Variants in ANKRA2 observed in about 807,000 individuals in gnomAD.
ANKRA2 encodes ankyrin repeat family A protein 2.
Under a neutral mutation model 37.8 loss-of-function variants are expected in ANKRA2, and 33 were observed. The ratio of observed to expected loss-of-function variants is 0.87; its 90% CI spans 0.66 to 1.17. The LOEUF is 1.17. Ranked by LOEUF, ANKRA2 falls within the 50% of genes most tolerant of loss-of-function variation. ANKRA2 has a pLI of 0.00. For synonymous variants in ANKRA2, 126 were observed against 132.3 expected, an observed-to-expected ratio of 0.95 and a Z score of 0.33; for missense variants, 326 against 373.7, an observed-to-expected ratio of 0.87 and a Z score of 1.05.
intron 3 of ANKRA2, 106 bp downstream of exon 3, chr5:73,561,024 T>G: frequency 8.2e-7 from 1 of 1,218,002 alleles, no homozygotes; most frequent in Non-Finnish European, 1.1e-6. Context: ...GTATAACACA[T>G]TTTCTTTATC....
At chr5:73,556,936 T>C (rs1330878753) in intron 4 of ANKRA2, among the ~76,000 whole-genome samples, 4 of 150,708 alleles carry the variant, frequency 2.7e-5, no homozygotes, top group African/African-American at 9.7e-5. Flanking sequence ...AGCTCTTGTG[T>C]GAGGACACAC....
At chr5:73,557,906 G>T (rs1341775745) in intron 3 of ANKRA2, among the ~76,000 whole-genome samples, 2 of 151,994 alleles carry the variant, frequency 1.3e-5, no homozygotes, top group Non-Finnish European at 1.5e-5. Context: ...GCAAAACCCT[G>T]TCTCTACAAA....
chr5:73,553,617 C>A (rs1278312813), intron 7 of ANKRA2, 131 bp from the exon 8 acceptor site: 3 of 721,218 alleles, frequency 4.2e-6, no homozygotes, highest in Non-Finnish European at 7.0e-6. Context: ...TGACAAAGTA[C>A]AGAGTGCATG....
At chr5:73,554,686 A>G (rs1337816758) in intron 6 of ANKRA2, among the ~76,000 whole-genome samples, 175 bp downstream of exon 6, 1 of 152,088 alleles carries the variant, frequency 6.6e-6, no homozygotes, top group African/African-American at 2.4e-5. Flanking sequence ...CTGCAGCCTC[A>G]AACTTCTGGG....
At chr5:73,561,420 T>G in intron 2 of ANKRA2, 132 bp from the exon 3 acceptor site, 1 of 893,408 alleles carries the variant, frequency 1.1e-6, no homozygotes, top group South Asian at 1.7e-5. Context: ...TACTAAATTG[T>G]TTTTATCATT....
At chr5:73,553,801 G>A (rs1487952106) in intron 7 of ANKRA2, among the ~76,000 whole-genome samples, 3 of 149,908 alleles carry the variant, frequency 2.0e-5, no homozygotes, top group Non-Finnish European at 4.4e-5. Flanking sequence ...TTTTGACAGA[G>A]CCTTGCTCTG....
chr5:73,553,331 G>A, intron 8 of ANKRA2, 75 bp downstream of exon 8: 1 of 1,087,552 alleles, frequency 9.2e-7, no homozygotes, highest in East Asian at 2.5e-5. Context: ...CAGTGATAAA[G>A]ATGGTTTGGA....
chr5:73,554,285 T>C (rs1336681963), intron 7 of ANKRA2, 37 bp downstream of exon 7: 2 of 1,576,212 alleles, frequency 1.3e-6, no homozygotes, highest in Admixed American at 3.4e-5. Flanking sequence ...TAAAATCAAG[T>C]CCTCACATGG....
chr5:73,564,904 A>G (rs1263598434), intron 1 of ANKRA2, among the ~76,000 whole-genome samples: 1 of 145,180 alleles, frequency 6.9e-6, no homozygotes, highest in East Asian at 2.2e-4. Context: ...GTGGGGTAAC[A>G]GGACTTAGAA....
chr5:73,560,151 G>C (rs1308871810), intron 3 of ANKRA2, among the ~76,000 whole-genome samples: 1 of 152,062 alleles, frequency 6.6e-6, no homozygotes, highest in Non-Finnish European at 1.5e-5. Context: ...TTTCAAAAAA[G>C]TTACGTATAA....
chr5:73,561,912 G>A (rs1355635037), intron 2 of ANKRA2, among the ~76,000 whole-genome samples: 2 of 152,138 alleles, frequency 1.3e-5, no homozygotes, highest in African/African-American at 2.4e-5. Flanking sequence ...AGACTTCACT[G>A]CATTAAAGCA....
intron 1 of ANKRA2, among the ~76,000 whole-genome samples, chr5:73,563,254 G>A (rs890021076): frequency 3.9e-5 from 6 of 152,080 alleles, no homozygotes; most frequent in Non-Finnish European, 8.8e-5. Context: ...ATAGGGTTCT[G>A]GTAAAGACCA....
chr5:73,562,365 ACAAATAT>A, intron 2 of ANKRA2: 1 of 394,632 alleles, frequency 2.5e-6, no homozygotes. Context: ...GAATTTGTAA[ACAAATAT>A]TAAACAAGAA....
chr5:73,563,830 G>A (rs1023617943), intron 1 of ANKRA2, among the ~76,000 whole-genome samples: 18 of 152,170 alleles, frequency 1.2e-4, no homozygotes, highest in Admixed American at 3.9e-4. Flanking sequence ...AAATGCATTA[G>A]GATCGCAGTG....
chr5:73,557,702 G>T, intron 3 of ANKRA2, 62 bp from the exon 4 acceptor site: 2 of 1,219,528 alleles, frequency 1.6e-6, no homozygotes, highest in South Asian at 1.3e-5. Context: ...ATCATCCCAT[G>T]GTTCATGTTT....
rs188933453 is a variant in ANKRA2, at chr5:73,554,844, T to C, written c.738+17A>G. 1 of 1,604,010 alleles carries C rather than the reference T, an allele frequency of 6.2e-7. No homozygotes were observed. The highest frequency in any genetic ancestry group is 2.2e-5 in the East Asian group (1 of 44,796). On this transcript the variant is annotated intron_variant, in intron 6 of 8. Coordinates refer to ENST00000296785, the MANE Select transcript of ANKRA2 (RefSeq NM_023039.5). ...AAACTTGCTAGAGTCATTTTAAATTTAGTATTACAAACTTACCCAATCATA... is the reference window on the plus strand; with the variant it reads ...AAACTTGCTAGAGTCATTTTAAATTCAGTATTACAAACTTACCCAATCATA...
intron 2 of ANKRA2, 113 bp downstream of exon 2, chr5:73,562,480 T>C (rs1010340303): frequency 3.6e-5 from 36 of 1,012,674 alleles, no homozygotes; most frequent in Admixed American, 2.4e-4. Flanking sequence ...GAAAATCATA[T>C]TAAAAAATGA....
intron 2 of ANKRA2, among the ~76,000 whole-genome samples, chr5:73,561,770 G>C (rs1269668119): frequency 6.8e-6 from 1 of 146,268 alleles, no homozygotes; most frequent in East Asian, 2.0e-4. Context: ...CTGGCTCAAA[G>C]AAAAAAAAAA....
chr5:73,562,468 C>A, intron 2 of ANKRA2, 125 bp downstream of exon 2: 1 of 879,570 alleles, frequency 1.1e-6, no homozygotes, highest in Non-Finnish European at 1.7e-6. Context: ...TATGAGATTC[C>A]AGAAAATCAT....
Sources: gnomAD v4.1 joint callset for allele counts (sites outside exome capture counted in the v4.1 genomes callset) on GRCh38, gnomAD v4.1.1 for gene constraint, MANE v1.5 for transcripts, NCBI Gene and HGNC (gene_info 2026-07-23, HGNC 2026-07-21) for gene names.